ITGB5: variants seen among roughly 807,000 people sequenced by gnomAD.
ITGB5 encodes the protein integrin subunit beta 5.
Under a neutral mutation model 84.8 loss-of-function variants are expected in ITGB5, and 38 were observed. That is an observed-to-expected ratio of 0.45 (90% CI 0.35 to 0.59). ITGB5 has a LOEUF of 0.59. Among genes scored for constraint, ITGB5 ranks in the 20% least tolerant of loss-of-function variants. The pLI is 0.01. For missense variants in ITGB5, 905 were observed against 1,034.5 expected (o/e 0.87, Z 1.72); for synonymous variants, 393 against 414.4 (o/e 0.95, Z 0.63).
chr3:124,888,609 A>G (rs1344413241), upstream of ITGB5, among the ~76,000 whole-genome samples: 1 of 152,166 alleles, frequency 6.6e-6, no homozygotes, highest in African/African-American at 2.4e-5. Flanking sequence ...AACTCATTTC[A>G]TCCTCCGACA....
intron 11 of ITGB5, chr3:124,769,616 C>T (rs1237369629): frequency 2.0e-5 from 3 of 152,382 alleles, no homozygotes; most frequent in South Asian, 2.1e-4. Context: ...GAGAAACTCC[C>T]AGTACCTGGG....
intron 1 of ITGB5, among the ~76,000 whole-genome samples, chr3:124,886,044 G>C (rs1253368172): frequency 6.6e-6 from 1 of 152,142 alleles, no homozygotes; most frequent in African/African-American, 2.4e-5. Flanking sequence ...CCTTCCTCGA[G>C]GGCCTCCAAA....
At chr3:124,882,942 A>T (rs951527924) in intron 1 of ITGB5, among the ~76,000 whole-genome samples, 1 of 152,220 alleles carries the variant, frequency 6.6e-6, no homozygotes, top group African/African-American at 2.4e-5. Flanking sequence ...GGAAGCAAGA[A>T]GCCTCAGAAA....
At chr3:124,899,462 G>C (rs964426286) in intron 1 of ITGB5, among the ~76,000 whole-genome samples, 1 of 152,100 alleles carries the variant, frequency 6.6e-6, no homozygotes, top group Non-Finnish European at 1.5e-5. Context: ...CACTGCATAA[G>C]GGCAGGACAC....
chr3:124,884,912 G>A (rs13081005), intron 1 of ITGB5, among the ~76,000 whole-genome samples: 57,925 of 151,980 alleles, frequency 0.38, 11,649 homozygotes, highest in East Asian at 0.67. Flanking sequence ...GGACATCACC[G>A]TGAAGATGTA....
intron 6 of ITGB5, 111 bp downstream of exon 6, chr3:124,821,202 C>A: frequency 8.3e-7 from 1 of 1,204,402 alleles, no homozygotes. Flanking sequence ...ATCAGAAAGC[C>A]AGTGAATACT....
At chr3:124,844,519 C>T (rs2065052826) in intron 4 of ITGB5, among the ~76,000 whole-genome samples, 1 of 152,088 alleles carries the variant, frequency 6.6e-6, no homozygotes, top group Non-Finnish European at 1.5e-5. Context: ...GAGATCCCGC[C>T]ACTGCACTCC....
At chr3:124,872,890 C>T (rs1022723228) in intron 2 of ITGB5, among the ~76,000 whole-genome samples, 1 of 152,134 alleles carries the variant, frequency 6.6e-6, no homozygotes, top group South Asian at 2.1e-4. Flanking sequence ...CTGGCATGAG[C>T]CACAGTACCC....
rs183926290 is a variant in ITGB5 at position 124,839,813 on chromosome 3, G to A, written c.780+1570C>T. Among the ~76,000 whole-genome samples, 514 of 152,336 alleles carry A rather than the reference G, an allele frequency of 3.4e-3. 4 individuals carry two copies. Among genetic ancestry groups the A allele is most frequent in the Non-Finnish European group, 3.8e-3 (258 of 68,040 alleles). Reference sequence around the variant, plus strand: ...TGTTTCCATGTGTCTCTCTCAGACTGCTAAGAGACACCAGGGACTTCTGAA... The same window carrying A: ...TGTTTCCATGTGTCTCTCTCAGACTACTAAGAGACACCAGGGACTTCTGAA... On this transcript the variant is annotated intron_variant, in intron 5 of 14. Transcript: ENST00000296181.
intron 1 of ITGB5, among the ~76,000 whole-genome samples, chr3:124,881,017 T>C (rs1416068229): frequency 2.0e-5 from 3 of 151,978 alleles, no homozygotes; most frequent in African/African-American, 4.8e-5. Context: ...AGACAGAGTC[T>C]CTGTCTCCCA....
chr3:124,765,297 C>T (rs1466406151), intron 13 of ITGB5, among the ~76,000 whole-genome samples: 2 of 152,016 alleles, frequency 1.3e-5, no homozygotes, highest in African/African-American at 4.8e-5. Context: ...CAAGCAGAGG[C>T]AGAATGTTGG....
chr3:124,880,365 A>C lies in ITGB5; in HGVS notation c.70+6566T>G, dbSNP rs549801230. On this transcript the variant is annotated intron_variant, in intron 1 of 14. Transcript: ENST00000296181. ...ACCATACTAATGTAAGATGTTAATAATAGGCAAAACTGGGTGTGAGGTAGA... is the reference window on the plus strand; with the variant it reads ...ACCATACTAATGTAAGATGTTAATACTAGGCAAAACTGGGTGTGAGGTAGA... Among the ~76,000 whole-genome samples the C allele has an allele frequency of 4.4e-4, 67 of 152,374 alleles. 1 individual carries two copies. The Middle Eastern group carries it at 0.014, about 31-fold the overall frequency.
chr3:124,797,096 C>T (rs775594286), intron 9 of ITGB5, among the ~76,000 whole-genome samples: 12 of 152,020 alleles, frequency 7.9e-5, no homozygotes, highest in Non-Finnish European at 1.5e-4. Context: ...GAAATGGGCC[C>T]CTGCGGAAAG....
intron 2 of ITGB5, among the ~76,000 whole-genome samples, chr3:124,872,763 C>T (rs1559981216): frequency 6.6e-6 from 1 of 152,134 alleles, no homozygotes; most frequent in African/African-American, 2.4e-5. Context: ...CTCCCTCTCT[C>T]TTTCTTTCTT....
At chr3:124,827,045 G>A (rs1483650346) in intron 5 of ITGB5, among the ~76,000 whole-genome samples, 1 of 152,138 alleles carries the variant, frequency 6.6e-6, no homozygotes, top group African/African-American at 2.4e-5. Context: ...TTGAAGGCTT[G>A]AGTTCTGTAT....
At chr3:124,898,591 C>A (rs1935154307) in intron 1 of ITGB5, among the ~76,000 whole-genome samples, 1 of 128,636 alleles carries the variant, frequency 7.8e-6, no homozygotes, top group Non-Finnish European at 1.6e-5. Context: ...TTGCAGTGAG[C>A]CAAGATTGTG....
chr3:124,817,060 T>C (rs538817184), intron 8 of ITGB5, among the ~76,000 whole-genome samples: 1 of 152,180 alleles, frequency 6.6e-6, no homozygotes, highest in African/African-American at 2.4e-5. Flanking sequence ...TCTCTCTATA[T>C]ATATTTTTAA....
chr3:124,773,863 G>A lies in ITGB5; in HGVS notation c.1743C>T (p.Ile581=), dbSNP rs374962668. 3.7e-6 allele frequency: 6 copies of A among 1,614,044 alleles called. No individual in the cohort carries two copies. Among genetic ancestry groups the A allele is most frequent in the South Asian group, 2.2e-5 (2 of 91,084 alleles). The part of the protein sequence containing the change: ...CGECKCHAGY[I]GDNCNCSTDI... ...CTGTCGAGCAGTTACAGTTGTCCCCGATGTAACCTGCATGGCACTTGCATT... is the reference window on the plus strand; with the variant it reads ...CTGTCGAGCAGTTACAGTTGTCCCCAATGTAACCTGCATGGCACTTGCATT... The change falls in exon 11 of 15, where the codon ATC becomes ATT. Residue 581 remains isoleucine (I), a synonymous_variant. Coordinates refer to ENST00000296181, the MANE Select transcript of ITGB5 (RefSeq NM_002213.5).
At chr3:124,814,357 A>G (rs1227900216) in intron 8 of ITGB5, among the ~76,000 whole-genome samples, 8 of 151,902 alleles carry the variant, frequency 5.3e-5, no homozygotes, top group African/African-American at 1.7e-4. Flanking sequence ...CAGTATCTCT[A>G]TGGTGGCGAC....
Sources: allele counts gnomAD v4.1 joint callset (sites outside exome capture counted in the v4.1 genomes callset), GRCh38; gene constraint gnomAD v4.1.1; transcripts MANE v1.5; gene names NCBI Gene and HGNC (gene_info 2026-07-23, HGNC 2026-07-21).